The following WDR72 variants were observed in gnomAD, a reference collection of about 807,000 sequenced individuals.
WDR72 encodes WD repeat-containing protein 72.
In WDR72, 120 loss-of-function variants were observed where a neutral mutation model predicts 124.2. That is an observed-to-expected ratio of 0.97 (90% CI 0.83 to 1.12). The LOEUF (loss-of-function observed/expected upper bound fraction) is 1.12, where lower values mean the gene tolerates loss of function less well. WDR72 is among the 50% of genes most tolerant of loss of function. The probability of loss-of-function intolerance (pLI) is 0.00; values close to 1 mark genes in which losing one functional copy is unlikely to be tolerated. For missense variants in WDR72, 1,387 were observed against 1,278.8 expected, an observed-to-expected ratio of 1.08 and a Z score of -1.29; for synonymous variants, 452 against 441.7, an observed-to-expected ratio of 1.02 and a Z score of -0.29.
intron 13 of WDR72, among the ~76,000 whole-genome samples, chr15:53,687,766 G>T (rs1336677314): frequency 3.4e-5 from 5 of 148,110 alleles, no homozygotes; most frequent in Admixed American, 2.7e-4. Context: ...CCAAAAAAGA[G>T]AATTTTAGAC....
chr15:53,656,343 T>C (rs1470556777), intron 14 of WDR72, among the ~76,000 whole-genome samples: 3 of 152,158 alleles, frequency 2.0e-5, no homozygotes, highest in Admixed American at 1.3e-4. Context: ...TTCAGAAAAA[T>C]GGGCAAGAAC....
intron 2 of WDR72, among the ~76,000 whole-genome samples, chr15:53,731,311 G>C (rs1265929346): frequency 2.0e-5 from 3 of 152,020 alleles, no homozygotes; most frequent in Admixed American, 2.0e-4. Context: ...TCCAAGCACA[G>C]GCAGTCTCCT....
chr15:53,599,679 C>T (rs985204828), intron 17 of WDR72, among the ~76,000 whole-genome samples: 1 of 152,052 alleles, frequency 6.6e-6, no homozygotes, highest in Non-Finnish European at 1.5e-5. Flanking sequence ...GGCCTCTCAC[C>T]CTGGGATGCT....
intron 16 of WDR72, among the ~76,000 whole-genome samples, chr15:53,613,311 A>G (rs1386550394): frequency 6.6e-6 from 1 of 152,134 alleles, no homozygotes; most frequent in African/African-American, 2.4e-5. Flanking sequence ...ACATATAAGT[A>G]TTTCCTTTGC....
At chr15:53,746,818 T>A (rs1306376960) in intron 1 of WDR72, among the ~76,000 whole-genome samples, 1 of 152,154 alleles carries the variant, frequency 6.6e-6, no homozygotes, top group Non-Finnish European at 1.5e-5. Flanking sequence ...ATTGTGCACT[T>A]TAAAAGTATG....
intron 13 of WDR72, among the ~76,000 whole-genome samples, chr15:53,687,414 T>G (rs922960911): frequency 1.3e-5 from 2 of 150,586 alleles, no homozygotes; most frequent in African/African-American, 4.9e-5. Context: ...CAAACTACCA[T>G]CAGAGAATAC....
rs554569675 is a variant in WDR72 at position 53,597,093 on chromosome 15, G to A, written c.3134C>T (p.Thr1045Ile). 4.2e-5 allele frequency: 68 copies of A among 1,613,732 alleles called. 2 individuals carry two copies. The South Asian group carries it at 6.4e-4, about 15-fold the overall frequency. Reference sequence around the variant, plus strand: ...TTTGTACTTACTTTGCAGAGGCAAAGTGTTTCTAACACACTGTAACTCTAG... The same window carrying A: ...TTTGTACTTACTTTGCAGAGGCAAAATGTTTCTAACACACTGTAACTCTAG... ...EELELQCVRN[T>I]LPLQTPVSPV... Residue 1045 changes from threonine to isoleucine, a missense_variant, in exon 18 of 20, where the codon ACT becomes ATT. Physicochemically the swap from Thr to Ile is moderately conservative, Grantham distance 89 (BLOSUM62 -1). Coordinates refer to ENST00000360509, the MANE Select transcript of WDR72 (RefSeq NM_182758.4).
intron 7 of WDR72, 77 bp from the exon 8 acceptor site, chr15:53,711,558 T>C: frequency 1.4e-6 from 2 of 1,447,332 alleles, no homozygotes; most frequent in Non-Finnish European, 1.9e-6. Flanking sequence ...ATTATGATAG[T>C]AATAATATAA....
intron 19 of WDR72, among the ~76,000 whole-genome samples, chr15:53,520,538 G>C (rs1336187332): frequency 6.6e-6 from 1 of 152,064 alleles, no homozygotes; most frequent in Non-Finnish European, 1.5e-5. Context: ...GCAATTGTAA[G>C]TTTAGCTACT....
At chr15:53,658,554 T>C (rs1359618875) in intron 14 of WDR72, among the ~76,000 whole-genome samples, 1 of 151,908 alleles carries the variant, frequency 6.6e-6, no homozygotes, top group South Asian at 2.1e-4. Context: ...TACAAAAAGG[T>C]ATACACACAG....
chr15:53,715,227 G>A lies in WDR72; in HGVS notation c.480C>T (p.Asn160=). ...TCATGGAGTGAACAATGCACATGCA[G>A]TTGATCCAGTCAGGAAACTGAGATG... ...FRSSQFPDWI[N]CMCIVHSMRI... is the part of the protein sequence containing the mutation. Residue 160 remains asparagine, a synonymous_variant, in exon 5 of 20, where the codon AAC becomes AAT. Transcript: ENST00000360509. The A allele has an allele frequency of 6.2e-7, 1 of 1,614,118 alleles. No individual in the cohort carries two copies. The highest frequency in any genetic ancestry group is 8.5e-7 in the Non-Finnish European group (1 of 1,180,004).
At chr15:53,679,906 C>T (rs1595843403) in intron 13 of WDR72, among the ~76,000 whole-genome samples, 1 of 147,088 alleles carries the variant, frequency 6.8e-6, no homozygotes, top group Non-Finnish European at 1.5e-5. Context: ...CAAGGTCTAA[C>T]AGAGCAGACA....
intron 15 of WDR72, 91 bp downstream of exon 15, chr15:53,615,335 A>G: frequency 9.6e-7 from 1 of 1,041,968 alleles, no homozygotes; most frequent in Non-Finnish European, 1.4e-6. Flanking sequence ...GGAAAGAAGG[A>G]AGGAATGTTA....
intron 18 of WDR72, among the ~76,000 whole-genome samples, chr15:53,549,901 C>T (rs1244601117): frequency 6.6e-6 from 1 of 152,096 alleles, no homozygotes; most frequent in Non-Finnish European, 1.5e-5. Flanking sequence ...GATCTAGGTC[C>T]CAGGGTTTCC....
chr15:53,603,689 C>T (rs1208589519), intron 17 of WDR72, among the ~76,000 whole-genome samples: 1 of 151,774 alleles, frequency 6.6e-6, no homozygotes, highest in Non-Finnish European at 1.5e-5. Flanking sequence ...CTATAAACAA[C>T]AGTCAAGCTG....
intron 18 of WDR72, among the ~76,000 whole-genome samples, chr15:53,541,304 G>T (rs566012708): frequency 6.6e-6 from 1 of 152,168 alleles, no homozygotes; most frequent in Non-Finnish European, 1.5e-5. Context: ...CTGAGAACGG[G>T]CAGACTGCCT....
At chr15:53,628,004 C>G (rs1357020795) in intron 14 of WDR72, among the ~76,000 whole-genome samples, 3 of 152,150 alleles carry the variant, frequency 2.0e-5, no homozygotes, top group African/African-American at 4.8e-5. Context: ...TTTCTGCCTT[C>G]TACTCATAGC....
chr15:53,631,817 T>C (rs993127360), intron 14 of WDR72, among the ~76,000 whole-genome samples: 1 of 152,152 alleles, frequency 6.6e-6, no homozygotes, highest in African/African-American at 2.4e-5. Context: ...TGGAAGAAAG[T>C]TCTAAGGATT....
intron 1 of WDR72, among the ~76,000 whole-genome samples, chr15:53,749,686 T>C (rs1191609316): frequency 6.6e-6 from 1 of 152,176 alleles, no homozygotes; most frequent in East Asian, 1.9e-4. Flanking sequence ...ACCAAACCAT[T>C]AGCTAAATTG....
Sources: gnomAD v4.1 joint callset for allele counts (sites outside exome capture counted in the v4.1 genomes callset) on GRCh38, gnomAD v4.1.1 for gene constraint, MANE v1.5 for transcripts, NCBI Gene and HGNC (gene_info 2026-07-23, HGNC 2026-07-21) for gene names.